Variants in SVOPL observed in about 807,000 individuals in gnomAD.
SVOPL encodes the protein SVOP like, also known as putative transporter SVOPL.
A neutral mutation model predicts 61.0 loss-of-function variants in SVOPL; 60 were observed. The observed-to-expected ratio is 0.98, with a 90% CI of 0.80 to 1.22. The LOEUF is 1.22. SVOPL is among the 50% of genes most tolerant of loss of function. SVOPL has a pLI of 0.00. For missense variants in SVOPL, 662 were observed against 643.9 expected (o/e 1.03, Z -0.30); for synonymous variants, 279 against 250.0 (o/e 1.12, Z -1.09).
At chr7:138,686,303 T>G (rs1802810426) in intron 1 of SVOPL, among the ~76,000 whole-genome samples, 1 of 148,818 alleles carries the variant, frequency 6.7e-6, no homozygotes. Context: ...CTTGGGAGGC[T>G]GAGGCAGGAG....
chr7:138,627,552 G>A, intron 11 of SVOPL, 91 bp from the exon 12 acceptor site: 1 of 945,660 alleles, frequency 1.1e-6, no homozygotes, highest in Non-Finnish European at 1.6e-6. Context: ...TGTCGTTTCA[G>A]AAAGAAGCAA....
At chr7:138,618,318 T>C (rs1799391957) in intron 14 of SVOPL, among the ~76,000 whole-genome samples, 1 of 152,170 alleles carries the variant, frequency 6.6e-6, no homozygotes, top group African/African-American at 2.4e-5. Context: ...CATTTCATCC[T>C]TAGAGCAAAA....
rs576140372 is a variant in SVOPL, at chr7:138,628,263, C to A, written c.964G>T (p.Val322Leu). 2.5e-4 allele frequency: 399 copies of A among 1,614,172 alleles called. 4 individuals are homozygous for A. The South Asian group carries it at 4.1e-3, about 17-fold the overall frequency. Residue 322 changes from valine (V) to leucine (L), a missense_variant, in exon 11 of 16, where the codon GTG becomes TTG. Transcript: ENST00000674285. ...CGSKSDSAVV[V>L]TGGDSGESQS... is the part of the protein sequence containing the mutation. Reference sequence around the variant, plus strand: ...CTCTCCCCTGAGTCCCCCCCAGTCACCACCACCGCAGAGTCTGACTTTGAA... The same window carrying A: ...CTCTCCCCTGAGTCCCCCCCAGTCAACACCACCGCAGAGTCTGACTTTGAA...
chr7:138,660,316 G>A, intron 5 of SVOPL: 1 of 1,059,176 alleles, frequency 9.4e-7, no homozygotes, highest in South Asian at 3.5e-5. Context: ...ACGTAATGAG[G>A]CAGTATGTTG....
At chr7:138,665,772 G>A (rs1351973704) in intron 4 of SVOPL, among the ~76,000 whole-genome samples, 4 of 152,064 alleles carry the variant, frequency 2.6e-5, no homozygotes, top group Admixed American at 2.6e-4. Flanking sequence ...AAGTTATAGG[G>A]TCACCCTAAA....
Position 138,621,080 on chromosome 7 carries a change from C to G in SVOPL, c.1319G>C (p.Arg440Pro), listed in dbSNP as rs139707660. ...AAATGGTGCCACCATTGCACCAATG[C>G]GACACAGGGAGCCGCTGGTTCCCAT... is the stretch of plus-strand genomic sequence containing the variant. ...LGMGTSGSLC[R>P]IGAMVAPFIS... Residue 440 changes from arginine to proline, a missense_variant, in exon 14 of 16, where the codon CGC becomes CCC. Coordinates refer to ENST00000674285, the MANE Select transcript of SVOPL (RefSeq NM_001139456.2). 19 of 1,613,386 alleles carry G rather than the reference C, an allele frequency of 1.2e-5. No homozygotes were observed. The highest frequency in any genetic ancestry group is 2.7e-5 in the African/African-American group (2 of 74,878).
chr7:138,675,339 C>T (rs1802532353), intron 3 of SVOPL, among the ~76,000 whole-genome samples: 1 of 152,102 alleles, frequency 6.6e-6, no homozygotes, highest in African/African-American at 2.4e-5. Flanking sequence ...CCAGATCACA[C>T]AACCCTTTAT....
rs184595950 is a variant in SVOPL, at chr7:138,607,989, T to C, written c.1354-11459A>G. Among the ~76,000 whole-genome samples, 1,261 of 152,234 alleles carry C rather than the reference T, an allele frequency of 8.3e-3. 18 individuals are homozygous for C. Among genetic ancestry groups the C allele is most frequent in the African/African-American group, 0.028 (1,151 of 41,532 alleles). ...ACTTGGAATGTTAAAATAGAAGTTA[T>C]AATGAAAGAAAACAATCCATTCCTA... On this transcript the variant is annotated intron_variant, in intron 14 of 15. Transcript: ENST00000674285.
In SVOPL at chr7:138,672,716, C is replaced by T. The variant is rs554409025; in HGVS notation, c.175-599G>A. Reference sequence around the variant, plus strand: ...CACTATGTTGCCCAGGCTGGAAACTCCTGGGCTTAAGTGAACCTCCCACCT... The same window carrying T: ...CACTATGTTGCCCAGGCTGGAAACTTCTGGGCTTAAGTGAACCTCCCACCT... On this transcript the variant is annotated intron_variant, in intron 3 of 15. Transcript: ENST00000674285. Among the ~76,000 whole-genome samples, 6 of 149,454 alleles carry T rather than the reference C, an allele frequency of 4.0e-5. No individual in the cohort carries two copies. The East Asian group carries it at 1.2e-3, about 29-fold the overall frequency.
At chr7:138,604,935 GT>G (rs1290064424) in intron 14 of SVOPL, among the ~76,000 whole-genome samples, 1 of 151,800 alleles carries the variant, frequency 6.6e-6, no homozygotes, top group Non-Finnish European at 1.5e-5. Context: ...GTGAAAGAAG[GT>G]TGGGTGTAGT....
At chr7:138,689,281 A>C in intron 1 of SVOPL, 1 of 1,584,728 alleles carries the variant, frequency 6.3e-7, no homozygotes, top group Non-Finnish European at 8.6e-7. Context: ...GCAGAGAGCA[A>C]TGCAGAACTT....
At chr7:138,604,067 G>A (rs1798646575) in intron 14 of SVOPL, among the ~76,000 whole-genome samples, 1 of 147,570 alleles carries the variant, frequency 6.8e-6, no homozygotes, top group African/African-American at 2.5e-5. Context: ...GGGCTCAAGT[G>A]ATCCTCTCAG....
intron 4 of SVOPL, among the ~76,000 whole-genome samples, chr7:138,669,176 G>A (rs1356618717): frequency 6.6e-6 from 1 of 152,150 alleles, no homozygotes; most frequent in Non-Finnish European, 1.5e-5. Context: ...ACTGGGCCAG[G>A]TGTGGTAACT....
At position 138,635,395 on chromosome 7, in the gene SVOPL, CT is replaced by C. The variant is rs777908534; in HGVS notation, c.790-5274del. On this transcript the variant is annotated intron_variant, in intron 9 of 15. Coordinates refer to ENST00000674285, the MANE Select transcript of SVOPL (RefSeq NM_001139456.2). ...AAATGAGGAGTTCTGCTTTATTTTACTTTTTTTTTTTTTTAAATAGAGATGG... is the reference window on the plus strand; with the variant it reads ...AAATGAGGAGTTCTGCTTTATTTTACTTTTTTTTTTTTTAAATAGAGATGG... Among the ~76,000 whole-genome samples the C allele has an allele frequency of 7.5e-3, 1,057 of 140,056 alleles. 5 individuals carry two copies. The highest frequency in any genetic ancestry group is 0.011 in the African/African-American group (434 of 38,518). The allele number at this position is 140,056 out of a possible 152,430, so 91.9% of individuals were successfully genotyped here.
chr7:138,662,328 T>A (rs756870898), intron 5 of SVOPL: 187 of 985,344 alleles, frequency 1.9e-4, no homozygotes, highest in Non-Finnish European at 2.2e-4. Flanking sequence ...TGGACTTCTC[T>A]TTTCATTTGT....
chr7:138,696,422 T>G (rs572265659), intron 1 of SVOPL, among the ~76,000 whole-genome samples: 150 of 151,982 alleles, frequency 9.9e-4, no homozygotes, highest in African/African-American at 3.4e-3. Flanking sequence ...TTGTTTGTTG[T>G]TGTTGTTGTT....
intron 13 of SVOPL, among the ~76,000 whole-genome samples, chr7:138,624,727 T>A (rs1799817844): frequency 6.6e-6 from 1 of 151,474 alleles, no homozygotes; most frequent in Non-Finnish European, 1.5e-5. Flanking sequence ...AGACATGGTC[T>A]TACTTTGCTG....
At chr7:138,665,321 C>G (rs571480446) in intron 4 of SVOPL, among the ~76,000 whole-genome samples, 53 of 151,258 alleles carry the variant, frequency 3.5e-4, no homozygotes, top group African/African-American at 1.3e-3. Flanking sequence ...GCCTGGGAGA[C>G]AGTGACAATG....
intron 1 of SVOPL, among the ~76,000 whole-genome samples, chr7:138,691,197 C>G (rs1802931832): frequency 6.6e-6 from 1 of 152,054 alleles, no homozygotes; most frequent in South Asian, 2.1e-4. Flanking sequence ...GACTTTAAAA[C>G]CAAAAGGAAT....
Sources: allele counts gnomAD v4.1 joint callset (sites outside exome capture counted in the v4.1 genomes callset), GRCh38; gene constraint gnomAD v4.1.1; transcripts MANE v1.5; gene names NCBI Gene and HGNC (gene_info 2026-07-23, HGNC 2026-07-21).